The following FRYL variants were observed in gnomAD, a reference collection of about 807,000 sequenced individuals.
FRYL encodes protein furry homolog-like.
A neutral mutation model predicts 351.2 loss-of-function variants in FRYL; 150 were observed. The observed-to-expected ratio is 0.43, with a 90% CI of 0.37 to 0.49. FRYL has a LOEUF of 0.49. FRYL is among the 20% of genes least tolerant of loss of function. The pLI is 0.00. For missense variants in FRYL, 3,036 were observed against 3,619.3 expected, an observed-to-expected ratio of 0.84 and a Z score of 4.13; for synonymous variants, 1,153 against 1,257.1, an observed-to-expected ratio of 0.92 and a Z score of 1.75.
At chr4:48,596,883 T>G (rs1461859254) in intron 13 of FRYL, among the ~76,000 whole-genome samples, 1 of 152,044 alleles carries the variant, frequency 6.6e-6, no homozygotes, top group Non-Finnish European at 1.5e-5. Flanking sequence ...AGAAACTCTT[T>G]ATACATCCGT....
intron 49 of FRYL, among the ~76,000 whole-genome samples, chr4:48,534,003 G>A (rs1577983059): frequency 1.3e-5 from 2 of 152,272 alleles, no homozygotes; most frequent in South Asian, 2.1e-4. Context: ...GAGGTGGGCA[G>A]ATTACCTGAG....
At chr4:48,646,943 A>G (rs1463712013) in intron 3 of FRYL, among the ~76,000 whole-genome samples, 1 of 152,190 alleles carries the variant, frequency 6.6e-6, no homozygotes, top group Non-Finnish European at 1.5e-5. Context: ...TGCAAAGTCT[A>G]TGAACAGGAA....
chr4:48,577,558 G>A lies in FRYL; in HGVS notation c.2529-1336C>T, dbSNP rs1203818128. Among the ~76,000 whole-genome samples, 5 of 152,242 alleles carry A rather than the reference G, an allele frequency of 3.3e-5. No homozygotes were observed. In the East Asian group the frequency reaches 9.6e-4, roughly 29 times the overall value. On this transcript the variant is annotated intron_variant, in intron 23 of 63. Transcript: ENST00000358350. ...ACAATAAAGAAATAAATAAAACAAT[G>A]TCAGATGGTGCTAAGTTTGATGAAG...
chr4:48,596,069 TGTCAACAACTAAAA>T (rs1744518937), intron 13 of FRYL, 69 bp from the exon 14 acceptor site: 2 of 1,009,240 alleles, frequency 2.0e-6, no homozygotes, highest in Non-Finnish European at 3.0e-6. Context: ...ACATATTCTC[TGTCAACAACTAAAA>T]GCCAATCTTT....
In FRYL at chr4:48,565,608, T is replaced by C; in HGVS notation, c.3253A>G (p.Ser1085Gly). Residue 1085 changes from serine (S) to glycine (G), a missense_variant, in exon 29 of 64, where the codon AGC (serine) becomes GGC (glycine). Around this residue, in one of 7 missense-constraint regions of FRYL, gnomAD observed 1,987 missense variants for 2,311.7 expected, o/e 0.86. Transcript: ENST00000358350. Reference sequence around the variant, plus strand: ...CTGTCCAAGGGCGTAAACATGATGCTAAAAGGACCTGCCCAGTGACTGAAC... The same window carrying C: ...CTGTCCAAGGGCGTAAACATGATGCCAAAAGGACCTGCCCAGTGACTGAAC... ...MLFSHWAGPF[S>G]IMFTPLDRYS... 2 of 1,613,956 alleles carry C rather than the reference T, an allele frequency of 1.2e-6. No homozygotes were observed. The highest frequency in any genetic ancestry group is 1.7e-6 in the Non-Finnish European group (2 of 1,179,960).
chr4:48,649,958 C>T (rs1424849861), intron 3 of FRYL, among the ~76,000 whole-genome samples: 1 of 152,084 alleles, frequency 6.6e-6, no homozygotes, highest in Admixed American at 6.6e-5. Flanking sequence ...TTCGAAGACA[C>T]AACCCATAGA....
At chr4:48,777,046 A>C (rs1376736875) in intron 1 of FRYL, among the ~76,000 whole-genome samples, 1 of 152,206 alleles carries the variant, frequency 6.6e-6, no homozygotes, top group African/African-American at 2.4e-5. Flanking sequence ...TAATTTAAAA[A>C]AAAAACAAAA....
chr4:48,743,689 T>A (rs1280077096), intron 1 of FRYL, among the ~76,000 whole-genome samples: 1 of 152,222 alleles, frequency 6.6e-6, no homozygotes, highest in Admixed American at 6.5e-5. Flanking sequence ...ATATTTTTTA[T>A]ATGAGATTAA....
At chr4:48,698,931 CAAGTT>C (rs1433964951) in intron 2 of FRYL, among the ~76,000 whole-genome samples, 1 of 152,006 alleles carries the variant, frequency 6.6e-6, no homozygotes, top group African/African-American at 2.4e-5. Flanking sequence ...CCTAGAAATC[CAAGTT>C]AATTAAATAC....
At chr4:48,739,358 G>A in intron 1 of FRYL, among the ~76,000 whole-genome samples, 1 of 140,514 alleles carries the variant, frequency 7.1e-6, no homozygotes, top group African/African-American at 2.6e-5. Flanking sequence ...CCAAGATTGT[G>A]CCACTACACT....
At chr4:48,599,304 T>C (rs753794054) in intron 13 of FRYL, among the ~76,000 whole-genome samples, 1 of 152,192 alleles carries the variant, frequency 6.6e-6, no homozygotes, top group African/African-American at 2.4e-5. Flanking sequence ...TAAATTGATA[T>C]AGATATAGGA....
Position 48,580,849 on chromosome 4 carries a change from A to C in FRYL, c.2259+16T>G. On this transcript the variant is annotated intron_variant, in intron 22 of 63. Coordinates refer to ENST00000358350, the MANE Select transcript of FRYL (RefSeq NM_015030.2). ...TCTCAAAACAAGATTGGGTAGAATG[A>C]AGTCACTATAGTTACCTGATCAGCC... is the stretch of plus-strand genomic sequence containing the variant. 1 of 1,543,754 alleles carries C rather than the reference A, an allele frequency of 6.5e-7. No homozygotes were observed. Among genetic ancestry groups the C allele is most frequent in the African/African-American group, 1.3e-5 (1 of 74,132 alleles).
At position 48,578,996 on chromosome 4, in the gene FRYL, C is replaced by G; in HGVS notation, c.2505G>C (p.Leu835Phe). The change falls in exon 23 of 64, where the codon TTG becomes TTC. Residue 835 changes from leucine to phenylalanine, a missense_variant. By Grantham distance (22) the Leu-to-Phe change is conservative (BLOSUM62 0). Around this residue, in one of 7 missense-constraint regions of FRYL, gnomAD observed 492 missense variants for 551.5 expected, o/e 0.89. Coordinates refer to ENST00000358350, the MANE Select transcript of FRYL (RefSeq NM_015030.2). ...AWMFAYTRLQ[L>F]LSPQVDINSP... ...ACTTTATATCGACCTGAGGGGACAACAACTGAAGTCTTGTGTATGCAAACA... is the reference window on the plus strand; with the variant it reads ...ACTTTATATCGACCTGAGGGGACAAGAACTGAAGTCTTGTGTATGCAAACA... 1 of 1,611,030 alleles carries G rather than the reference C, an allele frequency of 6.2e-7. No homozygotes were observed.
chr4:48,528,972 T>A (rs1229680640), intron 50 of FRYL, among the ~76,000 whole-genome samples: 1 of 152,216 alleles, frequency 6.6e-6, no homozygotes, highest in African/African-American at 2.4e-5. Flanking sequence ...CTGCATGTCA[T>A]ACGAGTCCCT....
At chr4:48,675,970 C>G (rs955223058) in intron 3 of FRYL, among the ~76,000 whole-genome samples, 2 of 152,166 alleles carry the variant, frequency 1.3e-5, no homozygotes, top group African/African-American at 4.8e-5. Context: ...TATCTAGCTG[C>G]TCTGGTGGGG....
intron 9 of FRYL, among the ~76,000 whole-genome samples, chr4:48,607,919 C>G (rs2149271353): frequency 6.6e-6 from 1 of 152,168 alleles, no homozygotes; most frequent in East Asian, 1.9e-4. Context: ...GTCTATATTC[C>G]TGAGACAGAA....
At chr4:48,553,699 T>G (rs938780741) in intron 35 of FRYL, among the ~76,000 whole-genome samples, 1 of 152,018 alleles carries the variant, frequency 6.6e-6, no homozygotes, top group Non-Finnish European at 1.5e-5. Context: ...CTGTAAAAAT[T>G]TCTCTTTTAA....
rs1769390318 is a variant in FRYL at position 48,720,869 on chromosome 4, TAA to T, written c.-383-10173_-383-10172del. Among the ~76,000 whole-genome samples the T allele has an allele frequency of 2.6e-5, 4 of 152,338 alleles. No individual in the cohort carries two copies. In the South Asian group the frequency reaches 8.3e-4, roughly 32 times the overall value. On this transcript the variant is annotated intron_variant, in intron 1 of 63. Transcript: ENST00000358350. ...GGACACAGTTTAAACATACTCTAGCTAAGATAGATTCTATGGCACTACACCAT... is the reference window on the plus strand; with the variant it reads ...GGACACAGTTTAAACATACTCTAGCTGATAGATTCTATGGCACTACACCAT...
chr4:48,729,856 C>T (rs1279381712), intron 1 of FRYL, among the ~76,000 whole-genome samples: 1 of 152,160 alleles, frequency 6.6e-6, no homozygotes, highest in East Asian at 1.9e-4. Context: ...CACAACTCCT[C>T]GCCACCAAGG....
Sources: gnomAD v4.1 joint callset for allele counts (sites outside exome capture counted in the v4.1 genomes callset) on GRCh38, gnomAD v4.1.1 for gene constraint, gnomAD v4.1.1 regional missense constraint, MANE v1.5 for transcripts, NCBI Gene and HGNC (gene_info 2026-07-23, HGNC 2026-07-21) for gene names.